The following DTX4 variants were observed in gnomAD, a reference collection of about 807,000 sequenced individuals.
The protein encoded by DTX4 is E3 ubiquitin-protein ligase DTX4.
Under a neutral mutation model 57.6 loss-of-function variants are expected in DTX4, and 28 were observed. The ratio of observed to expected loss-of-function variants is 0.49; its 90% CI spans 0.36 to 0.67. The LOEUF (loss-of-function observed/expected upper bound fraction) is 0.67. Ranked by LOEUF, DTX4 falls within the 30% of genes least tolerant of loss-of-function variation. The pLI is 0.00. For synonymous variants in DTX4, 316 were observed against 331.0 expected, an observed-to-expected ratio of 0.95 and a Z score of 0.49; for missense variants, 715 against 836.8, an observed-to-expected ratio of 0.85 and a Z score of 1.80.
chr11:59,184,761 C>T (rs1247199286), intron 2 of DTX4, among the ~76,000 whole-genome samples: 2 of 152,144 alleles, frequency 1.3e-5, no homozygotes, highest in Non-Finnish European at 2.9e-5. Flanking sequence ...GCTATAGAAA[C>T]AAGTTGTTTT....
In DTX4 at chr11:59,172,638, G is replaced by C; in HGVS notation, c.43G>C (p.Glu15Gln). ...SAVVVWEWLN[E>Q]HGRWRPYSPA... The stretch of plus-strand genomic sequence containing the variant: ...CGTGGTGGTCTGGGAATGGCTGAAC[G>C]AGCACGGCCGCTGGCGTCCCTACAG... The change falls in exon 1 of 9, where the codon GAG becomes CAG. Residue 15 changes from glutamate (E) to glutamine (Q), a missense_variant. Physicochemically the swap from Glu to Gln is conservative, Grantham distance 29 (BLOSUM62 2). Transcript: ENST00000227451. The C allele has an allele frequency of 6.3e-7, 1 of 1,589,442 alleles. No homozygotes were observed. Among genetic ancestry groups the C allele is most frequent in the Non-Finnish European group, 8.5e-7 (1 of 1,173,844 alleles).
rs12269872 is a variant in DTX4 at position 59,208,409 on chromosome 11, A to C, written c.*3500A>C. On this transcript the variant is annotated 3_prime_UTR_variant, in exon 9 of 9. Coordinates refer to ENST00000227451, the MANE Select transcript of DTX4 (RefSeq NM_015177.2). ...ACATTGCTGGGAAAATGAGTAAGTG[A>C]ACGTGTGGGAGAAAAACACTTTTAG... The C allele has an allele frequency of 7.7e-4, 118 of 152,354 alleles. No individual in the cohort carries two copies. Among genetic ancestry groups the C allele is most frequent in the African/African-American group, 2.8e-3 (116 of 41,584 alleles). 9.4% of individuals were successfully genotyped at this position (152,354 alleles called of 1,614,324 possible). A position where few individuals can be genotyped will look rare whatever the true frequency, so the allele number is the denominator to read the frequency against.
chr11:59,185,640 T>A (rs530746833), intron 2 of DTX4, among the ~76,000 whole-genome samples: 4 of 152,264 alleles, frequency 2.6e-5, no homozygotes, highest in African/African-American at 9.6e-5. Flanking sequence ...TCTCCAAGGT[T>A]TAACCAGTAA....
In DTX4 at chr11:59,206,096, A is replaced by G. The variant is rs1862804551; in HGVS notation, c.*1187A>G. The G allele has an allele frequency of 6.6e-6, 1 of 152,150 alleles. No homozygotes were observed. 9.4% of individuals were successfully genotyped at this position (152,150 alleles called of 1,614,324 possible). A position where few individuals can be genotyped will look rare whatever the true frequency, so the allele number is the denominator to read the frequency against. The stretch of plus-strand genomic sequence containing the variant: ...CTTTTATATTTCTTTTCAAGATTGG[A>G]TCAGAGCTCATCTCCATCCAGTCTT... On this transcript the variant is annotated 3_prime_UTR_variant, in exon 9 of 9. Transcript: ENST00000227451.
In DTX4 at chr11:59,181,953, G is replaced by A; in HGVS notation, c.426G>A (p.Gln142=). ...SYVIDFNTMG[Q]INRQTQRQRR... is the part of the protein sequence containing the mutation. ...TAATTGACTTCAACACCATGGGCCAGATCAACCGTCAGACCCAGCGCCAAC... is the reference window on the plus strand; with the variant it reads ...TAATTGACTTCAACACCATGGGCCAAATCAACCGTCAGACCCAGCGCCAAC... Residue 142 remains glutamine, a synonymous_variant, in exon 2 of 9, where the codon CAG becomes CAA. Coordinates refer to ENST00000227451, the MANE Select transcript of DTX4 (RefSeq NM_015177.2). The A allele has an allele frequency of 6.2e-7, 1 of 1,613,968 alleles. No individual in the cohort carries two copies. Among genetic ancestry groups the A allele is most frequent in the Non-Finnish European group, 8.5e-7 (1 of 1,179,864 alleles).
intron 6 of DTX4, among the ~76,000 whole-genome samples, chr11:59,193,806 T>C (rs904798967): frequency 6.6e-6 from 1 of 152,198 alleles, no homozygotes; most frequent in African/African-American, 2.4e-5. Context: ...CAGAGAATAG[T>C]CACCCTGAAT....
At chr11:59,173,948 G>T (rs1019240986) in intron 1 of DTX4, among the ~76,000 whole-genome samples, 1 of 152,192 alleles carries the variant, frequency 6.6e-6, no homozygotes, top group African/African-American at 2.4e-5. Context: ...CAACCGAGGA[G>T]CCTGGAGAGG....
rs1287119054 is a variant in DTX4 at position 59,208,483 on chromosome 11, G to C, written c.*3574G>C. ...GGTCTCTTTGCCTGGCTGCAATATAGTGTGTGTTTAAATTATTTACAGGCT... is the reference window on the plus strand; with the variant it reads ...GGTCTCTTTGCCTGGCTGCAATATACTGTGTGTTTAAATTATTTACAGGCT... On this transcript the variant is annotated 3_prime_UTR_variant, in exon 9 of 9. Coordinates refer to ENST00000227451, the MANE Select transcript of DTX4 (RefSeq NM_015177.2). 6.6e-6 allele frequency: 1 copy of C among 152,194 alleles called. No homozygotes were observed. Among genetic ancestry groups the C allele is most frequent in the Non-Finnish European group, 1.5e-5 (1 of 68,048 alleles). The allele number at this position is 152,194 out of a possible 1,614,324, so 9.4% of individuals were successfully genotyped here.
chr11:59,207,224 G>A lies in DTX4; in HGVS notation c.*2315G>A, dbSNP rs895836720. On this transcript the variant is annotated 3_prime_UTR_variant, in exon 9 of 9. Transcript: ENST00000227451. ...TTTCAAAATGGAATTAGGCACTGGG[G>A]AGAGATCAGTTTCCCCACATCAGGG... 1.3e-5 allele frequency: 2 copies of A among 152,284 alleles called. No individual in the cohort carries two copies. Among genetic ancestry groups the A allele is most frequent in the African/African-American group, 4.8e-5 (2 of 41,444 alleles). 9.4% of individuals were successfully genotyped at this position (152,284 alleles called of 1,614,324 possible).
chr11:59,205,577 A>C lies in DTX4; in HGVS notation c.*668A>C, dbSNP rs2135528651. On this transcript the variant is annotated 3_prime_UTR_variant, in exon 9 of 9. Transcript: ENST00000227451. ...CTCCTCACAGCTCTCACCTGTCCAA[A>C]GAGGCATCTGGTTCTCTCATGTGGA... 6.5e-6 allele frequency: 1 copy of C among 153,570 alleles called. No individual in the cohort carries two copies. Among genetic ancestry groups the C allele is most frequent in the Non-Finnish European group, 1.5e-5 (1 of 68,654 alleles). 9.5% of individuals were successfully genotyped at this position (153,570 alleles called of 1,614,324 possible).
intron 1 of DTX4, among the ~76,000 whole-genome samples, chr11:59,179,564 G>A (rs1029134129): frequency 2.6e-5 from 4 of 152,132 alleles, no homozygotes; most frequent in Non-Finnish European, 4.4e-5. Flanking sequence ...CCCACTTTTC[G>A]GTAGGGGCAC....
At chr11:59,183,675 G>C (rs1222836753) in intron 2 of DTX4, among the ~76,000 whole-genome samples, 1 of 152,214 alleles carries the variant, frequency 6.6e-6, no homozygotes, top group African/African-American at 2.4e-5. Flanking sequence ...CCTGCACACA[G>C]AGGTTTGGCA....
At chr11:59,202,922 C>A (rs1197641400) in intron 8 of DTX4, among the ~76,000 whole-genome samples, 1 of 152,186 alleles carries the variant, frequency 6.6e-6, no homozygotes, top group Non-Finnish European at 1.5e-5. Context: ...TGCTTCTAGG[C>A]TACAAACCTG....
intron 1 of DTX4, among the ~76,000 whole-genome samples, chr11:59,174,195 G>T (rs181970104): frequency 6.6e-6 from 1 of 152,252 alleles, no homozygotes; most frequent in East Asian, 1.9e-4. Flanking sequence ...GAGCTTTCTG[G>T]GGAGAGGATT....
chr11:59,178,282 T>G (rs1862419975), intron 1 of DTX4, among the ~76,000 whole-genome samples: 1 of 152,092 alleles, frequency 6.6e-6, no homozygotes, highest in Non-Finnish European at 1.5e-5. Context: ...TAGGGGGGAT[T>G]TAGATTTCAA....
intron 5 of DTX4, among the ~76,000 whole-genome samples, chr11:59,191,440 G>A (rs1384598888): frequency 6.6e-6 from 1 of 152,212 alleles, no homozygotes; most frequent in African/African-American, 2.4e-5. Flanking sequence ...GAAAAACAGT[G>A]TGATAAGCCA....
In DTX4 at chr11:59,203,384, C is replaced by CT. The variant is rs35395150; in HGVS notation, c.1627-1279dup. On this transcript the variant is annotated intron_variant, in intron 8 of 8. Transcript: ENST00000227451. ...CTATAAGCTTGTTTATTTTTAAAAACTTTTTTTTTTTTTACTTCTGAAACT... is the reference window on the plus strand; with the variant it reads ...CTATAAGCTTGTTTATTTTTAAAAACTTTTTTTTTTTTTTACTTCTGAAACT... Among the ~76,000 whole-genome samples the CT allele has an allele frequency of 5.8e-3, 841 of 144,832 alleles. 7 individuals are homozygous for CT. The highest frequency in any genetic ancestry group is 0.033 in the South Asian group (151 of 4,538).
At chr11:59,190,523 C>T (rs1342266179) in intron 4 of DTX4, among the ~76,000 whole-genome samples, 1 of 152,142 alleles carries the variant, frequency 6.6e-6, no homozygotes, top group Non-Finnish European at 1.5e-5. Flanking sequence ...AGTCCAGTCC[C>T]CTGAAAAAAA....
rs1380375847 is a variant in DTX4 at position 59,206,205 on chromosome 11, A to G, written c.*1296A>G. The G allele has an allele frequency of 6.6e-6, 1 of 152,190 alleles. No individual in the cohort carries two copies. The highest frequency in any genetic ancestry group is 1.5e-5 in the Non-Finnish European group (1 of 68,038). 9.4% of individuals were successfully genotyped at this position (152,190 alleles called of 1,614,324 possible). ...GCTGGGTCCCTCATCTCCCTCATCTATTATAGATTGACTTACAGCAGGGAG... is the reference window on the plus strand; with the variant it reads ...GCTGGGTCCCTCATCTCCCTCATCTGTTATAGATTGACTTACAGCAGGGAG... On this transcript the variant is annotated 3_prime_UTR_variant, in exon 9 of 9. Coordinates refer to ENST00000227451, the MANE Select transcript of DTX4 (RefSeq NM_015177.2).
Sources: gnomAD v4.1 joint callset for allele counts (sites outside exome capture counted in the v4.1 genomes callset) on GRCh38, gnomAD v4.1.1 for gene constraint, MANE v1.5 for transcripts, NCBI Gene and HGNC (gene_info 2026-07-23, HGNC 2026-07-21) for gene names.